The following MYO3B variants were observed in gnomAD, a reference collection of about 807,000 sequenced individuals.
The protein encoded by MYO3B is myosin-IIIb.
In MYO3B, 156 loss-of-function variants were observed where a neutral mutation model predicts 174.6. The observed-to-expected ratio is 0.89, with a 90% CI of 0.78 to 1.02. The LOEUF (loss-of-function observed/expected upper bound fraction) is 1.02, where lower values mean the gene tolerates loss of function less well. Ranked by LOEUF, MYO3B falls within the 50% of genes least tolerant of loss-of-function variation. The probability of loss-of-function intolerance (pLI) is 0.00; values close to 1 mark genes in which losing one functional copy is unlikely to be tolerated. For synonymous variants in MYO3B, 563 were observed against 569.1 expected (o/e 0.99, Z 0.15); for missense variants, 1,632 against 1,639.4 (o/e 1.00, Z 0.08).
chr2:170,497,514 G>C lies in MYO3B; in HGVS notation c.3015-1078G>C, dbSNP rs561097856. 3.3e-5 allele frequency among the ~76,000 whole-genome samples: 5 copies of C among 152,216 alleles called. No individual in the cohort carries two copies. In the South Asian group the frequency reaches 1.0e-3, roughly 32 times the overall value. On this transcript the variant is annotated intron_variant, in intron 25 of 34. Transcript: ENST00000408978. ...GCCTGTAGTCCCAGCTACTCAGGACGCTGAGAGGCAGGAGAATGGCGCAAA... is the reference window on the plus strand; with the variant it reads ...GCCTGTAGTCCCAGCTACTCAGGACCCTGAGAGGCAGGAGAATGGCGCAAA...
intron 32 of MYO3B, among the ~76,000 whole-genome samples, chr2:170,555,015 T>C (rs981031014): frequency 2.0e-5 from 3 of 151,916 alleles, no homozygotes; most frequent in African/African-American, 7.2e-5. Context: ...CATACAATTG[T>C]TTAATGGTAG....
At chr2:170,520,994 C>T (rs1262783460) in intron 30 of MYO3B, among the ~76,000 whole-genome samples, 1 of 152,084 alleles carries the variant, frequency 6.6e-6, no homozygotes, top group African/African-American at 2.4e-5. Flanking sequence ...TGGGGAACTT[C>T]CTTAAAAGTT....
chr2:170,534,275 C>G (rs982403069), intron 30 of MYO3B, among the ~76,000 whole-genome samples: 1 of 152,116 alleles, frequency 6.6e-6, no homozygotes, highest in Non-Finnish European at 1.5e-5. Flanking sequence ...CTGTTGCACA[C>G]TTAATAGATA....
At position 170,653,161 on chromosome 2, in the gene MYO3B, A is replaced by C; in HGVS notation, c.*40A>C. Reference sequence around the variant, plus strand: ...CCCTAAATCTGTCCAGAGTAGGAACATTCATGGTAATCGACTGTCTGTCAT... The same window carrying C: ...CCCTAAATCTGTCCAGAGTAGGAACCTTCATGGTAATCGACTGTCTGTCAT... On this transcript the variant is annotated 3_prime_UTR_variant, in exon 35 of 35. Coordinates refer to ENST00000408978, the MANE Select transcript of MYO3B (RefSeq NM_138995.5). 6.2e-7 allele frequency: 1 copy of C among 1,611,500 alleles called. No individual in the cohort carries two copies. The highest frequency in any genetic ancestry group is 8.5e-7 in the Non-Finnish European group (1 of 1,177,920).
intron 32 of MYO3B, among the ~76,000 whole-genome samples, chr2:170,601,039 C>T (rs941167957): frequency 8.5e-5 from 13 of 152,056 alleles, no homozygotes; most frequent in Admixed American, 2.6e-4. Context: ...TAGACAAAAG[C>T]TTTTTATTAG....
intron 8 of MYO3B, among the ~76,000 whole-genome samples, chr2:170,365,710 T>C (rs561291838): frequency 1.3e-5 from 2 of 152,288 alleles, no homozygotes; most frequent in African/African-American, 4.8e-5. Context: ...TCCAATGCAG[T>C]TGGAGAGTCA....
At chr2:170,617,460 T>C (rs1695536822) in intron 32 of MYO3B, among the ~76,000 whole-genome samples, 1 of 152,244 alleles carries the variant, frequency 6.6e-6, no homozygotes, top group African/African-American at 2.4e-5. Context: ...TATGGTGGTT[T>C]AACACAACTT....
chr2:170,588,956 T>C (rs1369698906), intron 32 of MYO3B, among the ~76,000 whole-genome samples: 1 of 152,178 alleles, frequency 6.6e-6, no homozygotes, highest in Non-Finnish European at 1.5e-5. Flanking sequence ...AAGGCTGTGG[T>C]TGAGACGGCC....
chr2:170,336,319 T>C (rs1032386553), intron 8 of MYO3B, among the ~76,000 whole-genome samples: 2 of 151,738 alleles, frequency 1.3e-5, no homozygotes, highest in African/African-American at 4.8e-5. Flanking sequence ...CCAAATTAGC[T>C]GATAAATAAG....
intron 7 of MYO3B, among the ~76,000 whole-genome samples, chr2:170,286,611 G>A (rs1449832102): frequency 6.6e-6 from 1 of 151,898 alleles, no homozygotes; most frequent in Non-Finnish European, 1.5e-5. Context: ...CGTCTTACTG[G>A]GAGTTATCTG....
At chr2:170,196,519 A>G (rs114773476) in intron 1 of MYO3B, among the ~76,000 whole-genome samples, 5,079 of 152,238 alleles carry the variant, frequency 0.033, 299 homozygotes, top group African/African-American at 0.12. Context: ...CTGTCTCAAA[A>G]AAGCCTAGTG....
intron 22 of MYO3B, among the ~76,000 whole-genome samples, chr2:170,437,568 T>C (rs2094763879): frequency 6.6e-6 from 1 of 152,210 alleles, no homozygotes; most frequent in Admixed American, 6.5e-5. Context: ...ATTAGTTTCT[T>C]ACCATTAGAT....
intron 32 of MYO3B, among the ~76,000 whole-genome samples, chr2:170,576,457 A>C (rs1692790215): frequency 6.6e-6 from 1 of 152,190 alleles, no homozygotes; most frequent in Admixed American, 6.5e-5. Flanking sequence ...AAACCGGAAG[A>C]AGCAAGTCCC....
intron 7 of MYO3B, among the ~76,000 whole-genome samples, chr2:170,323,540 C>T (rs987753382): frequency 1.3e-5 from 2 of 152,118 alleles, no homozygotes; most frequent in Non-Finnish European, 2.9e-5. Context: ...AAGAATAAAT[C>T]CCAAATGCAG....
At position 170,387,205 on chromosome 2, in the gene MYO3B, T is replaced by C; in HGVS notation, c.1474T>C (p.Phe492Leu). 6.2e-7 allele frequency: 1 copy of C among 1,614,124 alleles called. No individual in the cohort carries two copies. Among genetic ancestry groups the C allele is most frequent in the Non-Finnish European group, 8.5e-7 (1 of 1,179,986 alleles). The part of the protein sequence containing the change: ...CTAINDNSSR[F>L]GKYLEMMFTP... The stretch of plus-strand genomic sequence containing the variant: ...TGCCATCAATGACAACTCGAGCCGT[T>C]TTGGAAAATATCTGGAAATGATGTT... The change falls in exon 14 of 35, where the codon TTT becomes CTT. Residue 492 changes from phenylalanine (F) to leucine (L), a missense_variant. Phe to Leu is a conservative substitution (Grantham distance 22). Transcript: ENST00000408978.
chr2:170,334,109 G>A (rs2093930688), intron 7 of MYO3B: 1 of 152,142 alleles, frequency 6.6e-6, no homozygotes, highest in Non-Finnish European at 1.5e-5. Flanking sequence ...GGCTGCTCAA[G>A]CTCTAGCCAT....
intron 8 of MYO3B, among the ~76,000 whole-genome samples, chr2:170,339,558 G>A (rs2093965313): frequency 6.6e-6 from 1 of 152,168 alleles, no homozygotes; most frequent in Non-Finnish European, 1.5e-5. Flanking sequence ...CGTGTAGGAG[G>A]GCCAGGAAGG....
chr2:170,551,999 G>A (rs1468005993), intron 32 of MYO3B, among the ~76,000 whole-genome samples: 2 of 152,098 alleles, frequency 1.3e-5, no homozygotes, highest in African/African-American at 4.8e-5. Context: ...GCTTCCTGAA[G>A]CCTCTCCAGT....
At chr2:170,216,182 G>A (rs1275178183) in intron 5 of MYO3B, among the ~76,000 whole-genome samples, 1 of 152,118 alleles carries the variant, frequency 6.6e-6, no homozygotes, top group South Asian at 2.1e-4. Context: ...TGTTTCAAAG[G>A]TGTGTCCTTT....
Sources: gnomAD v4.1 joint callset for allele counts (sites outside exome capture counted in the v4.1 genomes callset) on GRCh38, gnomAD v4.1.1 for gene constraint, MANE v1.5 for transcripts, NCBI Gene and HGNC (gene_info 2026-07-23, HGNC 2026-07-21) for gene names.